BMPR2: variants seen among roughly 807,000 people sequenced by gnomAD.
BMPR2 encodes bone morphogenetic protein receptor type-2.
BMPR2 carries 29 observed loss-of-function variants against 100.8 expected under a neutral mutation model. The ratio of observed to expected loss-of-function variants is 0.29; its 90% CI spans 0.21 to 0.39. The LOEUF is 0.39. BMPR2 is among the 10% of genes least tolerant of loss of function. The pLI, the probability that BMPR2 is intolerant of heterozygous loss-of-function variation, is 1.00. For synonymous variants in BMPR2, 382 were observed against 442.3 expected (o/e 0.86, Z 1.71); for missense variants, 1,011 against 1,274.5 (o/e 0.79, Z 3.15).
rs886039673 is a variant in BMPR2 at position 202,555,454 on chromosome 2, C to T, written c.1789C>T (p.Arg597Ter). 1.9e-6 allele frequency: 3 copies of T among 1,614,076 alleles called. No homozygotes were observed. Among genetic ancestry groups the T allele is most frequent in the Non-Finnish European group, 1.7e-6 (2 of 1,180,008 alleles). ...CTATGAACGACAGCAAGCACAAGCT[C>T]GAATCCCCAGCCCTGAAACAAGTGT... is the stretch of plus-strand genomic sequence containing the variant. ...INYERQQAQA[R>*]IPSPETSVTS... is the part of the protein sequence containing the mutation. The change falls in exon 12 of 13, where the codon CGA becomes TGA. Residue 597 changes from arginine (R) to a stop codon, truncating the protein, a stop_gained. Coordinates refer to ENST00000374580, the MANE Select transcript of BMPR2 (RefSeq NM_001204.7). LOFTEE classifies it high-confidence loss of function.
intron 2 of BMPR2, among the ~76,000 whole-genome samples, chr2:202,466,189 CTG>C (rs1473798327): frequency 2.6e-5 from 4 of 152,166 alleles, no homozygotes; most frequent in Non-Finnish European, 5.9e-5. Context: ...ATTTTAAAGA[CTG>C]TATAAAAATT....
At position 202,519,037 on chromosome 2, in the gene BMPR2, G is replaced by A; in HGVS notation, c.837G>A (p.Met279Ile). Residue 279 changes from methionine to isoleucine, a missense_variant, in exon 6 of 13, where the codon ATG (methionine) becomes ATA (isoleucine). Physicochemically the swap from Met to Ile is conservative, Grantham distance 10. This residue lies in a region of BMPR2 where 355 missense variants were observed against 455.3 expected (regional missense o/e 0.78). Transcript: ENST00000374580. Reference protein sequence around the residue: ...ADGRMEYLLVMEYYPNGSLCK... With the variant: ...ADGRMEYLLVIEYYPNGSLCK... ...GACGCATGGAATATTTGCTTGTGAT[G>A]GAGTACTATCCCAATGTAAGTTCTT... 1 of 1,613,842 alleles carries A rather than the reference G, an allele frequency of 6.2e-7. No homozygotes were observed. The highest frequency in any genetic ancestry group is 8.5e-7 in the Non-Finnish European group (1 of 1,179,836).
At chr2:202,380,990 TTTG>T (rs1690277831) in intron 1 of BMPR2, among the ~76,000 whole-genome samples, 1 of 143,370 alleles carries the variant, frequency 7.0e-6, no homozygotes, top group African/African-American at 2.6e-5. Flanking sequence ...TTTTTTTTTT[TTTG>T]AGACAGAGTC....
intron 1 of BMPR2, among the ~76,000 whole-genome samples, chr2:202,394,364 G>A (rs371110518): frequency 3.3e-5 from 5 of 149,606 alleles, no homozygotes; most frequent in African/African-American, 7.3e-5. Flanking sequence ...AAAAAAAAAA[G>A]TAATAATAAT....
intron 1 of BMPR2, among the ~76,000 whole-genome samples, chr2:202,426,736 C>T (rs1414530847): frequency 6.6e-6 from 1 of 151,864 alleles, no homozygotes; most frequent in Non-Finnish European, 1.5e-5. Flanking sequence ...TAAAAACTAG[C>T]TGGGCGTGGG....
rs71035009 is a variant in BMPR2 at position 202,458,283 on chromosome 2, CAAAAAAA to C, written c.77-6507_77-6501del. Among the ~76,000 whole-genome samples, 290 of 52,298 alleles carry C rather than the reference CAAAAAAA, an allele frequency of 5.5e-3. 2 individuals carry two copies. The highest frequency in any genetic ancestry group is 0.021 in the African/African-American group (277 of 13,326). The allele number at this position is 52,298 out of a possible 152,430, so 34.3% of individuals were successfully genotyped here. A position where few individuals can be genotyped will look rare whatever the true frequency, so the allele number is the denominator to read the frequency against. ...GCAACATAGCAAGACCTTGTCTCTGCAAAAAAAAAAAAAAAAAAAAAAAAACGCACAC... is the reference window on the plus strand; with the variant it reads ...GCAACATAGCAAGACCTTGTCTCTGCAAAAAAAAAAAAAAAAAACGCACAC... On this transcript the variant is annotated intron_variant, in intron 1 of 12. Transcript: ENST00000374580.
chr2:202,494,089 C>T (rs34024048), intron 3 of BMPR2, among the ~76,000 whole-genome samples: 18,096 of 152,148 alleles, frequency 0.12, 1,192 homozygotes, highest in Admixed American at 0.14. Context: ...TTAAAAGCAA[C>T]GTTTATTTCC....
intron 10 of BMPR2, among the ~76,000 whole-genome samples, chr2:202,547,652 G>A (rs577814969): frequency 1.3e-5 from 2 of 150,468 alleles, no homozygotes; most frequent in African/African-American, 4.9e-5. Flanking sequence ...GTGTGGTTGT[G>A]CATGCCTGTA....
chr2:202,537,548 AGAGTTT>A (rs1688184532), intron 9 of BMPR2, among the ~76,000 whole-genome samples: 1 of 152,242 alleles, frequency 6.6e-6, no homozygotes, highest in Non-Finnish European at 1.5e-5. Flanking sequence ...TAATGGGTAC[AGAGTTT>A]CAGTTTGGGA....
At chr2:202,466,968 A>G (rs1206148680) in intron 2 of BMPR2, 1 of 159,720 alleles carries the variant, frequency 6.3e-6, no homozygotes, top group African/African-American at 2.4e-5. Context: ...TGCTTTAATA[A>G]TTCTTCGATT....
Position 202,562,794 on chromosome 2 carries a change from A to G in BMPR2, c.*2848A>G, listed in dbSNP as rs1327737314. 6.6e-6 allele frequency: 1 copy of G among 152,036 alleles called. No individual in the cohort carries two copies. Among genetic ancestry groups the G allele is most frequent in the Admixed American group, 6.6e-5 (1 of 15,254 alleles). 9.4% of individuals were successfully genotyped at this position (152,036 alleles called of 1,614,324 possible). A position where few individuals can be genotyped will look rare whatever the true frequency, so the allele number is the denominator to read the frequency against. On this transcript the variant is annotated 3_prime_UTR_variant, in exon 13 of 13. Transcript: ENST00000374580. The stretch of plus-strand genomic sequence containing the variant: ...TTTGAATTACGTTTAGACAAAAATG[A>G]TTTAATTGTAAATTCTTAAAACTTT...
At chr2:202,402,233 A>G (rs1312584917) in intron 1 of BMPR2, among the ~76,000 whole-genome samples, 4 of 152,106 alleles carry the variant, frequency 2.6e-5, no homozygotes, top group African/African-American at 7.2e-5. Context: ...ATTAGAATCA[A>G]TTTGGCCGGG....
intron 3 of BMPR2, among the ~76,000 whole-genome samples, chr2:202,474,326 T>G (rs1574467418): frequency 6.6e-6 from 1 of 151,074 alleles, no homozygotes; most frequent in African/African-American, 2.4e-5. Flanking sequence ...TGTGGTGGCA[T>G]GTGCCTGCAG....
intron 10 of BMPR2, among the ~76,000 whole-genome samples, chr2:202,550,343 A>C (rs752668762): frequency 1.5e-4 from 23 of 149,606 alleles, no homozygotes; most frequent in Middle Eastern, 3.4e-3. Flanking sequence ...ATTGCACTGC[A>C]GCCTGGGCGA....
chr2:202,531,174 G>A (rs1207510271), intron 8 of BMPR2, among the ~76,000 whole-genome samples: 3 of 152,064 alleles, frequency 2.0e-5, no homozygotes, highest in East Asian at 1.9e-4. Context: ...ACAGTGGCAC[G>A]CACCTGTAAT....
intron 7 of BMPR2, chr2:202,520,682 C>T (rs1026273417): frequency 5.8e-6 from 1 of 171,992 alleles, no homozygotes; most frequent in Admixed American, 5.9e-5. Flanking sequence ...CCTAGATCAC[C>T]TCAAGGTGTT....
At chr2:202,388,281 C>T (rs758331165) in intron 1 of BMPR2, among the ~76,000 whole-genome samples, 1 of 149,770 alleles carries the variant, frequency 6.7e-6, no homozygotes, top group Non-Finnish European at 1.5e-5. Flanking sequence ...CCTGTAGTCC[C>T]AGCTACTTGG....
At chr2:202,438,873 T>TTG (rs2105937144) in intron 1 of BMPR2, among the ~76,000 whole-genome samples, 1 of 150,852 alleles carries the variant, frequency 6.6e-6, no homozygotes, top group South Asian at 2.1e-4. Flanking sequence ...ATTTGTTGCT[T>TTG]TGTATTACGT....
chr2:202,389,299 G>A (rs1053216390), intron 1 of BMPR2, among the ~76,000 whole-genome samples: 4 of 151,728 alleles, frequency 2.6e-5, no homozygotes, highest in Non-Finnish European at 5.9e-5. Context: ...AGGCCAGGGC[G>A]GGCAGATCAT....
Sources: allele counts gnomAD v4.1 joint callset (sites outside exome capture counted in the v4.1 genomes callset), GRCh38; gene constraint gnomAD v4.1.1; regional missense constraint gnomAD v4.1.1; transcripts MANE v1.5; gene names NCBI Gene and HGNC (gene_info 2026-07-23, HGNC 2026-07-21).